AGBL1: variants seen among roughly 807,000 people sequenced by gnomAD.
AGBL1 encodes the protein AGBL carboxypeptidase 1, also known as cytosolic carboxypeptidase 4.
AGBL1 carries 130 observed loss-of-function variants against 118.9 expected under a neutral mutation model. The ratio of observed to expected loss-of-function variants is 1.09; its 90% CI spans 0.95 to 1.26. The LOEUF (loss-of-function observed/expected upper bound fraction) is 1.26, where lower values mean the gene tolerates loss of function less well. Ranked by LOEUF, AGBL1 falls within the 50% of genes most tolerant of loss-of-function variation. The pLI is 0.00. For missense variants in AGBL1, 1,584 were observed against 1,298.1 expected (o/e 1.22, Z -3.38); for synonymous variants, 555 against 478.9 (o/e 1.16, Z -2.08).
chr15:86,701,071 A>C (rs2086350343), intron 22 of AGBL1, among the ~76,000 whole-genome samples: 1 of 152,132 alleles, frequency 6.6e-6, no homozygotes, highest in Non-Finnish European at 1.5e-5. Context: ...TAACAGTTTA[A>C]CTTTGTTAAG....
In AGBL1 at chr15:86,178,090, G is replaced by T. The variant is rs1468730141; in HGVS notation, c.488+19064G>T. ...GCACTTTGGGAGGCCAAGGTGGGCA[G>T]ATCACGAGGTCAGCAGATCAAGACC... On this transcript the variant is annotated intron_variant, in intron 5 of 22. Transcript: ENST00000614907. 2.0e-5 allele frequency among the ~76,000 whole-genome samples: 3 copies of T among 152,200 alleles called. No homozygotes were observed. In the East Asian group the frequency reaches 5.8e-4, roughly 29 times the overall value.
intron 5 of AGBL1, among the ~76,000 whole-genome samples, chr15:86,217,982 G>C (rs1440458676): frequency 4.6e-5 from 7 of 152,296 alleles, no homozygotes; most frequent in Non-Finnish European, 1.5e-5. Flanking sequence ...GGATAGATTA[G>C]TTTTGGGGCT....
intron 22 of AGBL1, among the ~76,000 whole-genome samples, chr15:86,821,293 T>G (rs142790841): frequency 6.6e-6 from 1 of 152,116 alleles, no homozygotes; most frequent in Non-Finnish European, 1.5e-5. Context: ...AACATGCATG[T>G]TCTGCACATG....
At chr15:86,283,625 A>T (rs536307697) in intron 16 of AGBL1, among the ~76,000 whole-genome samples, 1 of 152,302 alleles carries the variant, frequency 6.6e-6, no homozygotes, top group South Asian at 2.1e-4. Flanking sequence ...TCCAGTGGGA[A>T]ATGTTGACTT....
rs569595506 is a variant in AGBL1 at position 86,682,420 on chromosome 15, A to G, written c.3158+7984A>G. On this transcript the variant is annotated intron_variant, in intron 22 of 22. Transcript: ENST00000614907. ...TTTTATGCTGATTCTTCTATAATAG[A>G]TAAATTAAAATAGTGAAAACCCAGT... 5.9e-5 allele frequency among the ~76,000 whole-genome samples: 9 copies of G among 152,324 alleles called. No homozygotes were observed. In the East Asian group the frequency reaches 1.7e-3, roughly 29 times the overall value.
chr15:86,323,865 C>T (rs139919932), intron 17 of AGBL1, among the ~76,000 whole-genome samples: 68 of 152,288 alleles, frequency 4.5e-4, no homozygotes, highest in African/African-American at 1.6e-3. Flanking sequence ...GACCTCTCTT[C>T]ATGGTGTCTT....
At chr15:86,749,413 G>T (rs1429889067) in intron 22 of AGBL1, among the ~76,000 whole-genome samples, 1 of 152,108 alleles carries the variant, frequency 6.6e-6, no homozygotes, top group Non-Finnish European at 1.5e-5. Context: ...ATTTTGGGCT[G>T]AGACAATGGG....
At chr15:86,692,329 A>G (rs568072430) in intron 22 of AGBL1, among the ~76,000 whole-genome samples, 1 of 152,270 alleles carries the variant, frequency 6.6e-6, no homozygotes, top group South Asian at 2.1e-4. Context: ...CTCTTTACAA[A>G]GCAAGATCAG....
chr15:86,287,452 C>T (rs377559798), intron 16 of AGBL1, among the ~76,000 whole-genome samples: 98 of 152,176 alleles, frequency 6.4e-4, no homozygotes, highest in Middle Eastern at 3.4e-3. Context: ...AAGGTTTTTC[C>T]TTATGTTTTC....
In AGBL1 at chr15:87,018,404, A is replaced by C. The variant is rs535285232; in HGVS notation, c.3324-10421A>C. Among the ~76,000 whole-genome samples the C allele has an allele frequency of 1.4e-3, 214 of 152,308 alleles. 1 individual carries two copies. The highest frequency in any genetic ancestry group is 4.9e-3 in the African/African-American group (204 of 41,582). ...CTACAAAGGGAAGCCCATCAGACTAACAATGGACATCTCAGAAGAAATCCT... is the reference window on the plus strand; with the variant it reads ...CTACAAAGGGAAGCCCATCAGACTACCAATGGACATCTCAGAAGAAATCCT... On this transcript the variant is annotated intron_variant, in intron 24 of 24. Coordinates refer to the AGBL1 transcript ENST00000441037.
intron 21 of AGBL1, among the ~76,000 whole-genome samples, chr15:86,569,250 A>G (rs896256405): frequency 6.8e-6 from 1 of 146,216 alleles, no homozygotes; most frequent in Non-Finnish European, 1.5e-5. Flanking sequence ...TGGGCAATAT[A>G]GGCAGACCCA....
At chr15:86,653,169 A>C (rs59792457) in intron 21 of AGBL1, among the ~76,000 whole-genome samples, 1 of 151,562 alleles carries the variant, frequency 6.6e-6, no homozygotes, top group Admixed American at 6.6e-5. Context: ...AATGCAAACC[A>C]AAATGAGTTA....
intron 24 of AGBL1, among the ~76,000 whole-genome samples, chr15:87,016,330 G>C (rs2081607854): frequency 6.6e-6 from 1 of 152,280 alleles, no homozygotes; most frequent in Middle Eastern, 3.4e-3. Flanking sequence ...TTAAGTGCAG[G>C]CTTAGCAATG....
chr15:86,372,897 A>T (rs2080990030), intron 17 of AGBL1, among the ~76,000 whole-genome samples: 1 of 151,912 alleles, frequency 6.6e-6, no homozygotes, highest in Non-Finnish European at 1.5e-5. Context: ...CAGACCAGGG[A>T]ATCCAGCTGT....
chr15:87,010,570 C>T lies in AGBL1; in HGVS notation c.3324-18255C>T, dbSNP rs1368729564. Among the ~76,000 whole-genome samples, 4 of 152,220 alleles carry T rather than the reference C, an allele frequency of 2.6e-5. No homozygotes were observed. The East Asian group carries it at 7.7e-4, about 29-fold the overall frequency. ...CTCTTCTTCTCCTGCCCTTGGACCACACAACTACAGGTTCTCTGGCCTTTG... is the reference window on the plus strand; with the variant it reads ...CTCTTCTTCTCCTGCCCTTGGACCATACAACTACAGGTTCTCTGGCCTTTG... On this transcript the variant is annotated intron_variant, in intron 24 of 24. Coordinates refer to the AGBL1 transcript ENST00000441037.
At chr15:86,730,187 G>C (rs763811799) in intron 22 of AGBL1, among the ~76,000 whole-genome samples, 18 of 152,084 alleles carry the variant, frequency 1.2e-4, no homozygotes, top group Non-Finnish European at 2.2e-4. Flanking sequence ...AAGAAAACCT[G>C]GACATTGGCC....
chr15:86,088,452 A>G (rs1045593373), intron 1 of AGBL1: 2 of 152,292 alleles, frequency 1.3e-5, no homozygotes, highest in African/African-American at 4.8e-5. Context: ...TTTTCTGGCT[A>G]TCAGTGGAGA....
intron 24 of AGBL1, chr15:86,988,158 G>T: frequency 6.4e-7 from 1 of 1,564,682 alleles, no homozygotes; most frequent in South Asian, 1.2e-5. Flanking sequence ...CCCTGCATGT[G>T]ACTACATTGG....
chr15:86,448,369 A>G (rs1326289941), intron 18 of AGBL1, among the ~76,000 whole-genome samples: 1 of 152,168 alleles, frequency 6.6e-6, no homozygotes, highest in Non-Finnish European at 1.5e-5. Flanking sequence ...CGATTATCTC[A>G]GGTCAGACAG....
Sources: gnomAD v4.1 joint callset for allele counts (sites outside exome capture counted in the v4.1 genomes callset) on GRCh38, gnomAD v4.1.1 for gene constraint, MANE v1.5 for transcripts, NCBI Gene and HGNC (gene_info 2026-07-23, HGNC 2026-07-21) for gene names.